DGKI: variants seen among roughly 807,000 people sequenced by gnomAD.
DGKI encodes DAG kinase iota.
Under a neutral mutation model 147.5 loss-of-function variants are expected in DGKI, and 55 were observed. That is an observed-to-expected ratio of 0.37 (90% CI 0.30 to 0.47). DGKI has a LOEUF of 0.47. Among genes scored for constraint, DGKI ranks in the 20% least tolerant of loss-of-function variants. DGKI has a pLI of 1.00. For missense variants in DGKI, 1,007 were observed against 1,323.8 expected (o/e 0.76, Z 3.71); for synonymous variants, 469 against 477.1 (o/e 0.98, Z 0.22).
Position 137,452,282 on chromosome 7 carries a change from G to A in DGKI, c.2736-8180C>T, listed in dbSNP as rs149577804. 1.8e-4 allele frequency among the ~76,000 whole-genome samples: 27 copies of A among 152,242 alleles called. No homozygotes were observed. In the East Asian group the frequency reaches 4.3e-3, roughly 24 times the overall value. Reference sequence around the variant, plus strand: ...CATATTCTGAAAACACTCAGCAGTGGGATTCCCCAGGACCACAGACTATGG... The same window carrying A: ...CATATTCTGAAAACACTCAGCAGTGAGATTCCCCAGGACCACAGACTATGG... On this transcript the variant is annotated intron_variant, in intron 27 of 32. Transcript: ENST00000614521.
intron 19 of DGKI, among the ~76,000 whole-genome samples, chr7:137,558,298 G>C (rs1016622464): frequency 6.6e-6 from 1 of 151,980 alleles, no homozygotes; most frequent in East Asian, 1.9e-4. Flanking sequence ...ATTTATGTTT[G>C]AGATGGAGTC....
At chr7:137,809,223 G>A (rs1797482523) in intron 1 of DGKI, among the ~76,000 whole-genome samples, 1 of 152,156 alleles carries the variant, frequency 6.6e-6, no homozygotes, top group African/African-American at 2.4e-5. Flanking sequence ...ACACAGTATG[G>A]ATTGAAATGA....
intron 1 of DGKI, among the ~76,000 whole-genome samples, chr7:137,776,281 G>A (rs937144305): frequency 2.0e-5 from 3 of 152,170 alleles, no homozygotes; most frequent in Admixed American, 6.5e-5. Flanking sequence ...CTTAACTACC[G>A]ACAGCTGCAT....
chr7:137,573,329 T>C (rs1818855342), intron 17 of DGKI, among the ~76,000 whole-genome samples: 1 of 152,222 alleles, frequency 6.6e-6, no homozygotes, highest in Non-Finnish European at 1.5e-5. Context: ...TGTCAAATAT[T>C]TTGAAGACTT....
chr7:137,812,174 T>C (rs1004604107), intron 1 of DGKI, among the ~76,000 whole-genome samples: 1 of 152,226 alleles, frequency 6.6e-6, no homozygotes, highest in Non-Finnish European at 1.5e-5. Flanking sequence ...AGAAAGTTCA[T>C]AATGATTATT....
chr7:137,430,829 T>G (rs1200700514), intron 28 of DGKI, among the ~76,000 whole-genome samples: 2 of 152,002 alleles, frequency 1.3e-5, no homozygotes, highest in Non-Finnish European at 1.5e-5. Flanking sequence ...ACCTCTAAAA[T>G]AGGGTCAGGG....
At chr7:137,417,378 T>C (rs1004637694) in intron 28 of DGKI, among the ~76,000 whole-genome samples, 1 of 152,360 alleles carries the variant, frequency 6.6e-6, no homozygotes, top group East Asian at 1.9e-4. Context: ...CATTACTTCA[T>C]AGGAAATGGT....
intron 1 of DGKI, among the ~76,000 whole-genome samples, chr7:137,805,219 G>C (rs1797329483): frequency 6.6e-6 from 1 of 152,146 alleles, no homozygotes; most frequent in Admixed American, 6.5e-5. Context: ...CAGTAAATCT[G>C]TTTCTTTGTC....
chr7:137,595,815 A>G (rs1819769244), intron 12 of DGKI, among the ~76,000 whole-genome samples: 1 of 151,834 alleles, frequency 6.6e-6, no homozygotes, highest in Non-Finnish European at 1.5e-5. Flanking sequence ...CATCCTGGCT[A>G]ACACGGTGAA....
chr7:137,485,867 T>C (rs1281379933), intron 22 of DGKI, among the ~76,000 whole-genome samples: 3 of 152,156 alleles, frequency 2.0e-5, no homozygotes, highest in African/African-American at 7.2e-5. Context: ...CTGTTTATAC[T>C]GATAAGTCGC....
chr7:137,462,447 AC>A (rs1814482652), intron 27 of DGKI, among the ~76,000 whole-genome samples: 1 of 152,238 alleles, frequency 6.6e-6, no homozygotes, highest in South Asian at 2.1e-4. Flanking sequence ...AAGAGGTAAT[AC>A]AGAGAAGCAA....
chr7:137,788,508 GTTC>G (rs1389407686), intron 1 of DGKI, among the ~76,000 whole-genome samples: 3 of 152,010 alleles, frequency 2.0e-5, no homozygotes, highest in Non-Finnish European at 4.4e-5. Flanking sequence ...TCTCCAGACT[GTTC>G]TTCTACCAAT....
At chr7:137,527,316 A>G (rs1419013705) in intron 20 of DGKI, among the ~76,000 whole-genome samples, 1 of 152,176 alleles carries the variant, frequency 6.6e-6, no homozygotes, top group East Asian at 1.9e-4. Context: ...ATTCAGTCCT[A>G]GATAATAATA....
chr7:137,541,593 C>G (rs551005322), intron 20 of DGKI, among the ~76,000 whole-genome samples: 80 of 152,168 alleles, frequency 5.3e-4, no homozygotes, highest in Non-Finnish European at 1.2e-4. Flanking sequence ...CCTATGGATA[C>G]TAAGGGATGA....
intron 21 of DGKI, among the ~76,000 whole-genome samples, chr7:137,517,340 A>AAAGAAG (rs1476041091): frequency 8.1e-6 from 1 of 123,734 alleles, no homozygotes; most frequent in Non-Finnish European, 1.8e-5. Flanking sequence ...AGAAAGAAAG[A>AAAGAAG]GAAAGAAAGA....
In DGKI at chr7:137,623,467, T is replaced by G; in HGVS notation, c.876+16A>C. On this transcript the variant is annotated intron_variant, in intron 7 of 32. Coordinates refer to ENST00000614521, the MANE Select transcript of DGKI (RefSeq NM_001321708.2). Reference sequence around the variant, plus strand: ...AAAACATGAGCCCACATTGCTTTATTTCATCCCAATCTTACCGCCTGCTTG... The same window carrying G: ...AAAACATGAGCCCACATTGCTTTATGTCATCCCAATCTTACCGCCTGCTTG... The G allele has an allele frequency of 6.2e-7, 1 of 1,612,072 alleles. No homozygotes were observed.
chr7:137,395,206 C>T lies in DGKI; in HGVS notation c.3057+392G>A, dbSNP rs573204161. Among the ~76,000 whole-genome samples the T allele has an allele frequency of 1.2e-4, 19 of 152,294 alleles. No individual in the cohort carries two copies. In the East Asian group the frequency reaches 2.7e-3, roughly 22 times the overall value. ...CATATAAATCATAGAATTTAAAACA[C>T]GTTGGAGTAAGTACTGAAGGAAAAC... is the stretch of plus-strand genomic sequence containing the variant. On this transcript the variant is annotated intron_variant, in intron 32 of 32. Coordinates refer to ENST00000614521, the MANE Select transcript of DGKI (RefSeq NM_001321708.2).
chr7:137,814,637 T>C (rs1797686673), intron 1 of DGKI, among the ~76,000 whole-genome samples: 4 of 152,098 alleles, frequency 2.6e-5, no homozygotes, highest in Admixed American at 2.6e-4. Context: ...TAGATATACA[T>C]CTTGGGAAAA....
intron 1 of DGKI, among the ~76,000 whole-genome samples, chr7:137,752,677 A>T (rs1176946010): frequency 6.6e-6 from 1 of 152,102 alleles, no homozygotes; most frequent in Non-Finnish European, 1.5e-5. Context: ...GCCCCCAGTC[A>T]CATAACCCCT....
Sources: allele counts gnomAD v4.1 joint callset (sites outside exome capture counted in the v4.1 genomes callset), GRCh38; gene constraint gnomAD v4.1.1; transcripts MANE v1.5; gene names NCBI Gene and HGNC (gene_info 2026-07-23, HGNC 2026-07-21).